The following CNGB1 variants were observed in gnomAD, a reference collection of about 807,000 sequenced individuals.
CNGB1 encodes cyclic nucleotide gated channel subunit beta 1.
CNGB1 carries 126 observed loss-of-function variants against 151.7 expected under a neutral mutation model. The ratio of observed to expected loss-of-function variants is 0.83; its 90% CI spans 0.72 to 0.96. The LOEUF is 0.96. Ranked by LOEUF, CNGB1 falls within the 40% of genes least tolerant of loss-of-function variation. The probability of loss-of-function intolerance (pLI) is 0.00; values close to 1 mark genes in which losing one functional copy is unlikely to be tolerated. For missense variants in CNGB1, 1,698 were observed against 1,627.0 expected (o/e 1.04, Z -0.75); for synonymous variants, 623 against 635.1 (o/e 0.98, Z 0.29).
chr16:57,957,435 G>C, intron 11 of CNGB1, 58 bp from the exon 12 acceptor site: 1 of 1,500,978 alleles, frequency 6.7e-7, no homozygotes. Context: ...CAGCCTCCCC[G>C]TTTCAGCCAC....
In CNGB1 at chr16:57,920,430, G is replaced by A; in HGVS notation, c.1758C>T (p.Leu586=). 1 of 1,614,198 alleles carries A rather than the reference G, an allele frequency of 6.2e-7. No individual in the cohort carries two copies. The highest frequency in any genetic ancestry group is 8.5e-7 in the Non-Finnish European group (1 of 1,180,038). The stretch of plus-strand genomic sequence containing the variant: ...CATCAGAGGTGACGTCAGGGTCAAT[G>A]AGTTTCTCCTTCACTTTCTCTGTCC... ...KERTEKVKEK[L]IDPDVTSDEE... The change falls in exon 19 of 33, where the codon CTC becomes CTT. Residue 586 remains leucine (L), a synonymous_variant. Transcript: ENST00000251102.
chr16:57,956,136 A>G (rs1962078547), intron 12 of CNGB1, among the ~76,000 whole-genome samples: 1 of 152,186 alleles, frequency 6.6e-6, no homozygotes, highest in Non-Finnish European at 1.5e-5. Flanking sequence ...CCATCCTCAG[A>G]TGCAGACCCT....
Position 57,884,115 on chromosome 16 carries a change from CT to C in CNGB1, c.*48del. ...CTGGGGCGCAGGGGCGCAGCGGGCG[CT>C]GGGGACACACCTGCTGGAACTGCGC... On this transcript the variant is annotated 3_prime_UTR_variant, in exon 33 of 33. Transcript: ENST00000251102. 1 of 1,612,614 alleles carries C rather than the reference CT, an allele frequency of 6.2e-7. No individual in the cohort carries two copies. The highest frequency in any genetic ancestry group is 2.2e-5 in the East Asian group (1 of 44,846).
At chr16:57,924,452 A>G (rs962810691) in intron 17 of CNGB1, among the ~76,000 whole-genome samples, 6 of 152,252 alleles carry the variant, frequency 3.9e-5, no homozygotes, top group African/African-American at 1.2e-4. Context: ...TCATATGTCC[A>G]TGAATGAAGT....
intron 3 of CNGB1, 81 bp from the exon 4 acceptor site, chr16:57,964,283 G>C (rs931863848): frequency 5.3e-6 from 8 of 1,502,832 alleles, no homozygotes; most frequent in Admixed American, 5.1e-5. Context: ...TCAAGTCAGG[G>C]GAGAGGAGAG....
At chr16:57,919,053 G>T in intron 20 of CNGB1, 46 bp downstream of exon 20, 1 of 1,613,712 alleles carries the variant, frequency 6.2e-7, no homozygotes, top group Non-Finnish European at 8.5e-7. Flanking sequence ...CAACTCTCCT[G>T]CTCTCTCATC....
intron 2 of CNGB1, 114 bp from the exon 3 acceptor site, chr16:57,964,658 C>T: frequency 1.0e-6 from 1 of 999,992 alleles, no homozygotes; most frequent in Non-Finnish European, 1.6e-6. Flanking sequence ...CTGAACGACT[C>T]TTTCCTCAGG....
intron 10 of CNGB1, 34 bp downstream of exon 10, chr16:57,959,854 C>T (rs377368843): frequency 1.4e-6 from 2 of 1,473,962 alleles, no homozygotes; most frequent in African/African-American, 1.4e-5. Flanking sequence ...CATCCTGCTC[C>T]CTGGTGGGAG....
At chr16:57,897,330 T>G in intron 31 of CNGB1, 67 bp downstream of exon 31, 26 of 1,447,808 alleles carry the variant, frequency 1.8e-5, no homozygotes, top group Non-Finnish European at 2.5e-5. Context: ...ATAAAGGTAC[T>G]GTGGTTATGT....
At chr16:57,953,051 C>T (rs1221554500) in intron 12 of CNGB1, among the ~76,000 whole-genome samples, 1 of 152,150 alleles carries the variant, frequency 6.6e-6, no homozygotes, top group African/African-American at 2.4e-5. Context: ...ATAGCTCGCC[C>T]AGCTTCTCCG....
In CNGB1 at chr16:57,919,257, G is replaced by A. The variant is rs1184796173; in HGVS notation, c.1802-3C>T. On this transcript the variant is annotated splice_polypyrimidine_tract_variant and splice_region_variant and intron_variant, in intron 19 of 32. Coordinates refer to ENST00000251102, the MANE Select transcript of CNGB1 (RefSeq NM_001297.5). Reference sequence around the variant, plus strand: ...CTCTGGGGCTTTCTTGGCTGGGGCTGTGGGATGACATTGGTGACCATCTGA... The same window carrying A: ...CTCTGGGGCTTTCTTGGCTGGGGCTATGGGATGACATTGGTGACCATCTGA... The A allele has an allele frequency of 4.9e-5, 79 of 1,614,054 alleles. No homozygotes were observed. Among genetic ancestry groups the A allele is most frequent in the Non-Finnish European group, 6.5e-5 (77 of 1,180,042 alleles).
chr16:57,940,156 C>A, intron 15 of CNGB1, 78 bp downstream of exon 15: 1 of 1,390,862 alleles, frequency 7.2e-7, no homozygotes. Flanking sequence ...CCCCTGTAAG[C>A]AAAGTGGACA....
rs1369314934 is a variant in CNGB1 at position 57,915,232 on chromosome 16, G to C, written c.2304+17C>G. The C allele has an allele frequency of 1.2e-6, 2 of 1,603,620 alleles. No individual in the cohort carries two copies. The highest frequency in any genetic ancestry group is 4.5e-5 in the East Asian group (2 of 44,836). Reference sequence around the variant, plus strand: ...GGATGAGCTGAAGGCCTGGGGTGGTGGGCCCAGCAGTCCTACCTTTAAACA... The same window carrying C: ...GGATGAGCTGAAGGCCTGGGGTGGTCGGCCCAGCAGTCCTACCTTTAAACA... On this transcript the variant is annotated intron_variant, in intron 23 of 32. Coordinates refer to ENST00000251102, the MANE Select transcript of CNGB1 (RefSeq NM_001297.5).
intron 31 of CNGB1, 120 bp downstream of exon 31, chr16:57,897,276 TG>T (rs1165246702): frequency 1.8e-6 from 2 of 1,086,418 alleles, no homozygotes; most frequent in Non-Finnish European, 2.6e-6. Context: ...CACTCCAGAC[TG>T]GGTGACAGAG....
intron 6 of CNGB1, 58 bp from the exon 7 acceptor site, chr16:57,962,668 C>T: frequency 1.3e-6 from 2 of 1,588,164 alleles, no homozygotes; most frequent in Non-Finnish European, 1.7e-6. Flanking sequence ...CCCCAGCCCC[C>T]TGGGCAGCCT....
At chr16:57,917,235 C>T (rs376258771) in intron 21 of CNGB1, 33 bp downstream of exon 21, 554 of 1,585,410 alleles carry the variant, frequency 3.5e-4, no homozygotes, top group Non-Finnish European at 4.0e-4. Context: ...GGTCTGCCCC[C>T]GGTCACCCCA....
intron 17 of CNGB1, among the ~76,000 whole-genome samples, chr16:57,924,922 A>G (rs1365541306): frequency 6.6e-6 from 1 of 152,198 alleles, no homozygotes; most frequent in Non-Finnish European, 1.5e-5. Flanking sequence ...AGGCCTCCCC[A>G]GAAGTAGATG....
In CNGB1 at chr16:57,899,049, A is replaced by C. The variant is rs529505114; in HGVS notation, c.2977-1135T>G. 3.9e-5 allele frequency among the ~76,000 whole-genome samples: 6 copies of C among 152,302 alleles called. No homozygotes were observed. The East Asian group carries it at 7.7e-4, about 20-fold the overall frequency. ...AGACCAGAGGATGTGAGGAGACACA[A>C]AAAAAACTAGATGACCACCTACAAG... On this transcript the variant is annotated intron_variant, in intron 29 of 32. Transcript: ENST00000251102.
chr16:57,909,474 C>G (rs1009205548), intron 25 of CNGB1, among the ~76,000 whole-genome samples: 3 of 152,202 alleles, frequency 2.0e-5, no homozygotes, highest in East Asian at 1.9e-4. Context: ...CAACCTCCCC[C>G]TTCCGGGTTC....
Sources: gnomAD v4.1 joint callset for allele counts (sites outside exome capture counted in the v4.1 genomes callset) on GRCh38, gnomAD v4.1.1 for gene constraint, MANE v1.5 for transcripts, NCBI Gene and HGNC (gene_info 2026-07-23, HGNC 2026-07-21) for gene names.